PDE8A: variants seen among roughly 807,000 people sequenced by gnomAD.
The protein encoded by PDE8A is phosphodiesterase 8A.
In PDE8A, 59 loss-of-function variants were observed where a neutral mutation model predicts 105.0. The observed-to-expected ratio is 0.56, with a 90% CI of 0.46 to 0.70. The LOEUF (loss-of-function observed/expected upper bound fraction) is 0.70, where lower values mean the gene tolerates loss of function less well. Among genes scored for constraint, PDE8A ranks in the 30% least tolerant of loss-of-function variants. The probability of loss-of-function intolerance (pLI) is 0.00; values close to 1 mark genes in which losing one functional copy is unlikely to be tolerated. For missense variants in PDE8A, 1,014 were observed against 1,045.9 expected (o/e 0.97, Z 0.42); for synonymous variants, 355 against 371.9 (o/e 0.95, Z 0.52).
intron 11 of PDE8A, among the ~76,000 whole-genome samples, chr15:85,106,526 G>A (rs1181889525): frequency 6.6e-6 from 1 of 152,188 alleles, no homozygotes; most frequent in Non-Finnish European, 1.5e-5. Context: ...TCTCAGTCCA[G>A]GCTCATCAGG....
chr15:85,098,924 TC>T (rs1229328883), intron 9 of PDE8A, among the ~76,000 whole-genome samples: 1 of 150,492 alleles, frequency 6.6e-6, no homozygotes. Flanking sequence ...GCCACTGTAC[TC>T]CAGCCTGGGC....
chr15:85,048,308 T>A (rs2080918860), intron 1 of PDE8A, among the ~76,000 whole-genome samples: 1 of 152,246 alleles, frequency 6.6e-6, no homozygotes, highest in Admixed American at 6.5e-5. Context: ...ACCTAGTATA[T>A]CATGTTTTTC....
chr15:85,011,883 C>G (rs1416388045), intron 1 of PDE8A, among the ~76,000 whole-genome samples: 1 of 152,104 alleles, frequency 6.6e-6, no homozygotes, highest in Non-Finnish European at 1.5e-5. Context: ...AAAAAGTGGG[C>G]GAAGGACATG....
In PDE8A at chr15:85,083,322, A is replaced by T. The variant is rs191371435; in HGVS notation, c.547-234A>T. On this transcript the variant is annotated intron_variant, in intron 5 of 21. Coordinates refer to ENST00000394553, the MANE Select transcript of PDE8A (RefSeq NM_002605.3). ...TGAAAGAAAAGCCTTTTTTTTTTTT[A>T]AAAAAATGAAAGGCTACTAAATGAT... 4.5e-3 allele frequency among the ~76,000 whole-genome samples: 662 copies of T among 147,534 alleles called. 1 individual carries two copies. Among genetic ancestry groups the T allele is most frequent in the South Asian group, 1.0e-2 (45 of 4,502 alleles).
intron 1 of PDE8A, among the ~76,000 whole-genome samples, chr15:85,041,253 G>T (rs1266281168): frequency 1.3e-5 from 2 of 152,208 alleles, no homozygotes; most frequent in Non-Finnish European, 2.9e-5. Flanking sequence ...ATTTCCTACA[G>T]CATGACTGAA....
At chr15:85,077,585 C>G (rs2081397366) in intron 5 of PDE8A, among the ~76,000 whole-genome samples, 1 of 152,236 alleles carries the variant, frequency 6.6e-6, no homozygotes, top group African/African-American at 2.4e-5. Flanking sequence ...AATAATTGCT[C>G]AAGGGCAGCC....
At chr15:85,107,614 T>C (rs1376567185) in intron 11 of PDE8A, among the ~76,000 whole-genome samples, 1 of 152,112 alleles carries the variant, frequency 6.6e-6, no homozygotes, top group Non-Finnish European at 1.5e-5. Flanking sequence ...GGAGAAGTGA[T>C]GGATGACTTC....
chr15:85,066,247 C>T (rs996372724), intron 2 of PDE8A, among the ~76,000 whole-genome samples: 21 of 151,862 alleles, frequency 1.4e-4, no homozygotes, highest in Non-Finnish European at 2.2e-4. Flanking sequence ...TGAGTTCTGC[C>T]AGTGGGTTTC....
intron 20 of PDE8A, among the ~76,000 whole-genome samples, chr15:85,132,914 G>T (rs1228001318): frequency 1.3e-5 from 2 of 152,094 alleles, no homozygotes; most frequent in African/African-American, 4.8e-5. Context: ...TTTGTCCAGT[G>T]CCTGTACATC....
chr15:85,023,069 A>G (rs1211752558), intron 1 of PDE8A, among the ~76,000 whole-genome samples: 2 of 152,190 alleles, frequency 1.3e-5, no homozygotes, highest in African/African-American at 2.4e-5. Flanking sequence ...GTTGGAAGGA[A>G]TGAAGGGAAG....
intron 6 of PDE8A, among the ~76,000 whole-genome samples, chr15:85,084,678 C>T (rs781258549): frequency 1.2e-4 from 19 of 152,344 alleles, no homozygotes; most frequent in South Asian, 4.1e-4. Flanking sequence ...AGGAAGTTAA[C>T]TGACTTACAC....
At chr15:85,120,533 A>T (rs1296216314) in intron 17 of PDE8A, 1 of 315,944 alleles carries the variant, frequency 3.2e-6, no homozygotes, top group East Asian at 5.6e-5. Context: ...GGGTCTAGAG[A>T]AAGACTGGCT....
At chr15:85,017,567 A>G (rs2141346025) in intron 1 of PDE8A, among the ~76,000 whole-genome samples, 1 of 152,226 alleles carries the variant, frequency 6.6e-6, no homozygotes, top group East Asian at 1.9e-4. Flanking sequence ...TTCCCCATTA[A>G]TATTTAGCAG....
At chr15:85,115,180 C>T (rs1236947725) in intron 14 of PDE8A, 10 of 447,530 alleles carry the variant, frequency 2.2e-5, no homozygotes, top group Admixed American at 9.5e-5. Flanking sequence ...GCTCACCTCC[C>T]GGGTGTTGAC....
At position 85,113,375 on chromosome 15, in the gene PDE8A, A is replaced by G; in HGVS notation, c.1115-2A>G. The G allele has an allele frequency of 1.2e-6, 2 of 1,613,860 alleles. No homozygotes were observed. Among genetic ancestry groups the G allele is most frequent in the South Asian group, 2.2e-5 (2 of 91,072 alleles). On this transcript the variant is annotated splice_acceptor_variant, in intron 12 of 21. Transcript: ENST00000394553. LOFTEE classifies it high-confidence loss of function. ...CTGATTTGTGCATCCCTTTCTCCAC[A>G]GTTTCCAGCCAGAGACGACACTCTT...
intron 12 of PDE8A, among the ~76,000 whole-genome samples, chr15:85,111,305 G>A (rs2082017284): frequency 6.6e-6 from 1 of 152,084 alleles, no homozygotes; most frequent in Non-Finnish European, 1.5e-5. Context: ...TCCCAAGATC[G>A]TGAAAATATT....
intron 20 of PDE8A, among the ~76,000 whole-genome samples, chr15:85,128,052 C>CAAAA (rs61221393): frequency 4.5e-3 from 256 of 56,334 alleles, no homozygotes; most frequent in Middle Eastern, 0.011. Context: ...TATTCCTATG[C>CAAAA]AAAAAAAAAA....
In PDE8A at chr15:85,065,788, A is replaced by T. The variant is rs374627371; in HGVS notation, c.244-1226A>T. ...TGGAGCACGGGTGCTCCTGAACCAG[A>T]TTGGGAGTGGGAATAGCAGGGAGAG... On this transcript the variant is annotated intron_variant, in intron 2 of 21. Coordinates refer to ENST00000394553, the MANE Select transcript of PDE8A (RefSeq NM_002605.3). Among the ~76,000 whole-genome samples, 7 of 152,172 alleles carry T rather than the reference A, an allele frequency of 4.6e-5. No individual in the cohort carries two copies. The East Asian group carries it at 9.6e-4, about 21-fold the overall frequency.
At chr15:84,988,977 G>T (rs1381257312) in intron 1 of PDE8A, among the ~76,000 whole-genome samples, 3 of 152,204 alleles carry the variant, frequency 2.0e-5, no homozygotes, top group African/African-American at 7.2e-5. Context: ...AACAAAAGTT[G>T]TTGGGGTGTA....
Sources: gnomAD v4.1 joint callset for allele counts (sites outside exome capture counted in the v4.1 genomes callset) on GRCh38, gnomAD v4.1.1 for gene constraint, MANE v1.5 for transcripts, NCBI Gene and HGNC (gene_info 2026-07-23, HGNC 2026-07-21) for gene names.